The following IL23R variants were observed in gnomAD, a reference collection of about 807,000 sequenced individuals.
IL23R encodes interleukin-23 receptor.
In IL23R, 34 loss-of-function variants were observed where a neutral mutation model predicts 56.9. That is an observed-to-expected ratio of 0.60 (90% CI 0.45 to 0.80). The LOEUF (loss-of-function observed/expected upper bound fraction) is 0.80. Ranked by LOEUF, IL23R falls within the 30% of genes least tolerant of loss-of-function variation. The pLI is 0.00. For missense variants in IL23R, 635 were observed against 730.0 expected (o/e 0.87, Z 1.50); for synonymous variants, 230 against 249.2 (o/e 0.92, Z 0.73).
At chr1:67,204,877 C>A (rs1648899987) in intron 5 of IL23R, among the ~76,000 whole-genome samples, 1 of 151,682 alleles carries the variant, frequency 6.6e-6, no homozygotes, top group African/African-American at 2.4e-5. Context: ...TTCTTGGATT[C>A]AAGTGATTCT....
chr1:67,264,779 T>C (rs1193502780), downstream of IL23R, among the ~76,000 whole-genome samples: 1 of 152,232 alleles, frequency 6.6e-6, no homozygotes, highest in Non-Finnish European at 1.5e-5. Flanking sequence ...AGAATTCCCA[T>C]CAATTTCCTG....
In IL23R at chr1:67,192,806, C is replaced by G. The variant is rs114030742; in HGVS notation, c.492-7931C>G. Among the ~76,000 whole-genome samples the G allele has an allele frequency of 3.1e-3, 474 of 152,274 alleles. 5 individuals carry two copies. The highest frequency in any genetic ancestry group is 0.011 in the African/African-American group (457 of 41,560). On this transcript the variant is annotated intron_variant, in intron 4 of 10. Coordinates refer to ENST00000347310, the MANE Select transcript of IL23R (RefSeq NM_144701.3). ...TCACCACCTACACTGCAATCCAAGCCAGATCATCTCTCACTTGGGAGTATA... is the reference window on the plus strand; with the variant it reads ...TCACCACCTACACTGCAATCCAAGCGAGATCATCTCTCACTTGGGAGTATA...
intron 7 of IL23R, among the ~76,000 whole-genome samples, chr1:67,220,984 A>C (rs1243705620): frequency 6.6e-6 from 1 of 152,148 alleles, no homozygotes; most frequent in Non-Finnish European, 1.5e-5. Context: ...CCTGGGTGAC[A>C]TCCTGGGCAA....
intron 1 of IL23R, among the ~76,000 whole-genome samples, chr1:67,167,623 T>C (rs775600512): frequency 3.9e-5 from 6 of 151,902 alleles, no homozygotes; most frequent in African/African-American, 7.3e-5. Flanking sequence ...CTTTGGGAGG[T>C]TGAGTTGGGA....
At chr1:67,255,153 G>C (rs574750278) in intron 9 of IL23R, among the ~76,000 whole-genome samples, 1 of 152,156 alleles carries the variant, frequency 6.6e-6, no homozygotes, top group Non-Finnish European at 1.5e-5. Flanking sequence ...GGTCACCTTG[G>C]AAAGTTCTAC....
At position 67,259,514 on chromosome 1, in the gene IL23R, A is replaced by C. The variant is rs1653127389; in HGVS notation, c.*386A>C. On this transcript the variant is annotated 3_prime_UTR_variant, in exon 11 of 11. Transcript: ENST00000347310. ...TCACACATACAGGCACAAAAACAGC[A>C]TTATGTGGACGCCTCATGTATTTTT... 3.8e-6 allele frequency: 1 copy of C among 263,440 alleles called. No individual in the cohort carries two copies. The highest frequency in any genetic ancestry group is 5.1e-5 in the Admixed American group (1 of 19,696). The allele number at this position is 263,440 out of a possible 1,614,324, so 16.3% of individuals were successfully genotyped here.
intron 6 of IL23R, among the ~76,000 whole-genome samples, chr1:67,211,738 A>G (rs1203583284): frequency 6.6e-6 from 1 of 152,212 alleles, no homozygotes; most frequent in Non-Finnish European, 1.5e-5. Context: ...GTGTCTCTGA[A>G]TAAGTTTTCA....
rs1289387956 is a variant in IL23R, at chr1:67,245,675, G to A, written c.1148+5394G>A. ...GAATAAAGCCAGCTTGATTGTGGTG[G>A]ATAAGCTTTTTGATGTGCTGCTGGA... On this transcript the variant is annotated intron_variant, in intron 9 of 10. Coordinates refer to ENST00000347310, the MANE Select transcript of IL23R (RefSeq NM_144701.3). Among the ~76,000 whole-genome samples, 9 of 152,142 alleles carry A rather than the reference G, an allele frequency of 5.9e-5. 1 individual carries two copies. Among genetic ancestry groups the A allele is most frequent in the Admixed American group, 2.0e-4 (3 of 15,270 alleles).
intron 7 of IL23R, among the ~76,000 whole-genome samples, chr1:67,227,018 T>A (rs1341700272): frequency 6.6e-6 from 1 of 152,156 alleles, no homozygotes; most frequent in African/African-American, 2.4e-5. Context: ...GGATGTGAGG[T>A]TTCAGCTGAG....
chr1:67,217,598 G>C (rs1214878690), intron 6 of IL23R, among the ~76,000 whole-genome samples: 5 of 151,820 alleles, frequency 3.3e-5, no homozygotes, highest in African/African-American at 1.2e-4. Context: ...AATTTCTCTA[G>C]ATCCCAGGAG....
chr1:67,172,005 C>T (rs1415784059), intron 3 of IL23R, among the ~76,000 whole-genome samples: 1 of 152,198 alleles, frequency 6.6e-6, no homozygotes, highest in Non-Finnish European at 1.5e-5. Flanking sequence ...GAACATCACT[C>T]TTTCCACTTA....
At chr1:67,256,555 G>A (rs902094215) in intron 10 of IL23R, among the ~76,000 whole-genome samples, 12 of 152,178 alleles carry the variant, frequency 7.9e-5, no homozygotes, top group African/African-American at 2.9e-4. Flanking sequence ...GGGATTGGCT[G>A]TCAAGGGGCT....
At chr1:67,257,886 TAG>T (rs1653037059) in intron 10 of IL23R, among the ~76,000 whole-genome samples, 1 of 152,038 alleles carries the variant, frequency 6.6e-6, no homozygotes. Context: ...GTATTTTTAG[TAG>T]AGACAGGGTT....
At chr1:67,248,978 C>A (rs1049578076) in intron 9 of IL23R, among the ~76,000 whole-genome samples, 1 of 152,172 alleles carries the variant, frequency 6.6e-6, no homozygotes, top group Non-Finnish European at 1.5e-5. Flanking sequence ...TCAGCCCCCC[C>A]TCCATGAGCT....
intron 1 of IL23R, among the ~76,000 whole-genome samples, chr1:67,161,298 T>C (rs924046275): frequency 1.3e-5 from 2 of 152,226 alleles, no homozygotes; most frequent in African/African-American, 4.8e-5. Flanking sequence ...TCTATTTACG[T>C]TCCTTTCCTT....
chr1:67,163,468 C>CAAAAAAAAAAAAA (rs57495148), upstream of IL23R, among the ~76,000 whole-genome samples: 9 of 49,606 alleles, frequency 1.8e-4, no homozygotes, highest in Non-Finnish European at 2.6e-4. Context: ...GACCCTGTCT[C>CAAAAAAAAAAAAA]AAAAAAAAAA....
chr1:67,140,368 C>T (rs1263997281), intron 1 of IL23R, among the ~76,000 whole-genome samples: 1 of 152,094 alleles, frequency 6.6e-6, no homozygotes, highest in Non-Finnish European at 1.5e-5. Context: ...TTTTGCAAAT[C>T]ACTAAGGACA....
intron 1 of IL23R, among the ~76,000 whole-genome samples, chr1:67,166,799 A>G (rs1646878437): frequency 6.6e-6 from 1 of 152,234 alleles, no homozygotes; most frequent in Non-Finnish European, 1.5e-5. Context: ...ACTATTGCTA[A>G]CAAATAATGA....
intron 1 of IL23R, among the ~76,000 whole-genome samples, chr1:67,156,640 T>G (rs1646772278): frequency 6.6e-6 from 1 of 152,138 alleles, no homozygotes; most frequent in South Asian, 2.1e-4. Flanking sequence ...AAAGCCACAG[T>G]AATGGCAGCT....
Sources: gnomAD v4.1 joint callset for allele counts (sites outside exome capture counted in the v4.1 genomes callset) on GRCh38, gnomAD v4.1.1 for gene constraint, MANE v1.5 for transcripts, NCBI Gene and HGNC (gene_info 2026-07-23, HGNC 2026-07-21) for gene names.